Variants in OTUD7A observed in about 807,000 individuals in gnomAD.
OTUD7A encodes OTU deubiquitinase 7A.
OTUD7A carries 12 observed loss-of-function variants against 65.7 expected under a neutral mutation model. The observed-to-expected ratio is 0.18, with a 90% CI of 0.12 to 0.30. The LOEUF (loss-of-function observed/expected upper bound fraction) is 0.30. OTUD7A is among the 10% of genes least tolerant of loss of function. The pLI, the probability that OTUD7A is intolerant of heterozygous loss-of-function variation, is 1.00. For missense variants in OTUD7A, 1,148 were observed against 1,304.8 expected (o/e 0.88, Z 1.85); for synonymous variants, 641 against 586.3 (o/e 1.09, Z -1.35).
chr15:31,527,444 C>G (rs1030280993), intron 6 of OTUD7A, 136 bp from the exon 7 acceptor site: 20 of 1,162,864 alleles, frequency 1.7e-5, no homozygotes, highest in Non-Finnish European at 2.3e-5. Flanking sequence ...CTCAGCGGTT[C>G]TGTTAATTCC....
At chr15:31,539,789 G>A (rs62004121) in intron 5 of OTUD7A, among the ~76,000 whole-genome samples, 15,325 of 152,210 alleles carry the variant, frequency 0.1, 986 homozygotes, top group Non-Finnish European at 0.15. Flanking sequence ...CATAAAGAGA[G>A]ATAAAGCAAA....
intron 3 of OTUD7A, among the ~76,000 whole-genome samples, chr15:31,635,282 C>T (rs563829838): frequency 3.0e-4 from 45 of 152,312 alleles, no homozygotes; most frequent in South Asian, 8.3e-4. Flanking sequence ...ACGGCACTAC[C>T]TTGGTGCTCC....
At chr15:31,848,235 C>T (rs890407166) in intron 1 of OTUD7A, among the ~76,000 whole-genome samples, 6 of 152,122 alleles carry the variant, frequency 3.9e-5, no homozygotes. Flanking sequence ...AAAGGTGTCA[C>T]ACGAGAGGCA....
At chr15:31,850,550 A>G (rs1897397123) in intron 1 of OTUD7A, among the ~76,000 whole-genome samples, 1 of 136,764 alleles carries the variant, frequency 7.3e-6, no homozygotes, top group South Asian at 3.0e-4. Flanking sequence ...CCTCAAACTT[A>G]AAGTATAATA....
chr15:31,733,337 T>G (rs2141363806), intron 1 of OTUD7A, among the ~76,000 whole-genome samples: 1 of 152,326 alleles, frequency 6.6e-6, no homozygotes, highest in Non-Finnish European at 1.5e-5. Context: ...CCCCCTCCTT[T>G]ACCAGACTCA....
rs1214411102 is a variant in OTUD7A at position 31,475,939 on chromosome 15, C to T, written c.*7355G>A. The T allele has an allele frequency of 6.6e-6, 1 of 152,222 alleles. No homozygotes were observed. The highest frequency in any genetic ancestry group is 2.4e-5 in the African/African-American group (1 of 41,444). 9.4% of individuals were successfully genotyped at this position (152,222 alleles called of 1,614,324 possible). A position where few individuals can be genotyped will look rare whatever the true frequency, so the allele number is the denominator to read the frequency against. On this transcript the variant is annotated 3_prime_UTR_variant, in exon 13 of 13. Transcript: ENST00000307050. The stretch of plus-strand genomic sequence containing the variant: ...CACTGACTTCATTAGGCCAAACGCA[C>T]GTTTAATGGAACAAAGCAAACACAG...
intron 3 of OTUD7A, among the ~76,000 whole-genome samples, chr15:31,630,797 A>T (rs1891122421): frequency 6.6e-6 from 1 of 152,358 alleles, no homozygotes; most frequent in South Asian, 2.1e-4. Context: ...TATATTTAGG[A>T]TAGTTAGCTC....
chr15:31,518,768 G>C (rs1378656170), intron 8 of OTUD7A, among the ~76,000 whole-genome samples: 1 of 152,258 alleles, frequency 6.6e-6, no homozygotes, highest in Non-Finnish European at 1.5e-5. Context: ...GCACAGCAGA[G>C]CCAGTCTGAG....
intron 3 of OTUD7A, among the ~76,000 whole-genome samples, chr15:31,627,214 A>G (rs1890987058): frequency 6.7e-6 from 1 of 149,684 alleles, no homozygotes; most frequent in Admixed American, 6.6e-5. Context: ...AGCATTAGGT[A>G]TATCTCCTAA....
intron 1 of OTUD7A, among the ~76,000 whole-genome samples, chr15:31,817,280 C>CG (rs1049868937): frequency 4.7e-5 from 7 of 149,250 alleles, no homozygotes; most frequent in African/African-American, 7.4e-5. Context: ...CATTTGCCCC[C>CG]CCCCATCACT....
chr15:31,476,511 A>G lies in OTUD7A; in HGVS notation c.*6783T>C, dbSNP rs944331274. 6.6e-6 allele frequency: 1 copy of G among 152,278 alleles called. No homozygotes were observed. The highest frequency in any genetic ancestry group is 2.4e-5 in the African/African-American group (1 of 41,432). 9.4% of individuals were successfully genotyped at this position (152,278 alleles called of 1,614,324 possible). Reference sequence around the variant, plus strand: ...CCAAGGGGGCAGGCTCTTGGGAAGCACACACTCCCTCCCTGAGTGCTGGCA... The same window carrying G: ...CCAAGGGGGCAGGCTCTTGGGAAGCGCACACTCCCTCCCTGAGTGCTGGCA... On this transcript the variant is annotated 3_prime_UTR_variant, in exon 13 of 13. Coordinates refer to ENST00000307050, the MANE Select transcript of OTUD7A (RefSeq NM_001382637.1).
chr15:31,835,234 G>A (rs1348704268), intron 1 of OTUD7A, among the ~76,000 whole-genome samples: 2 of 152,338 alleles, frequency 1.3e-5, no homozygotes, highest in South Asian at 2.1e-4. Flanking sequence ...AAAACAGGAT[G>A]TCCAATTCAT....
rs1043764480 is a variant in OTUD7A at position 31,828,792 on chromosome 15, T to C, written c.-100+41715A>G. Reference sequence around the variant, plus strand: ...GCTAATACAAAGCATTTATTGTCCCTGTCCTCTGGGCAGGGATGTGTCACA... The same window carrying C: ...GCTAATACAAAGCATTTATTGTCCCCGTCCTCTGGGCAGGGATGTGTCACA... On this transcript the variant is annotated intron_variant, in intron 1 of 12. Transcript: ENST00000307050. Among the ~76,000 whole-genome samples the C allele has an allele frequency of 3.3e-5, 5 of 152,200 alleles. No homozygotes were observed. In the East Asian group the frequency reaches 7.7e-4, roughly 23 times the overall value.
intron 3 of OTUD7A, among the ~76,000 whole-genome samples, chr15:31,579,982 C>T (rs7179569): frequency 0.33 from 49,900 of 152,098 alleles, 10,726 homozygotes; most frequent in African/African-American, 0.61. Flanking sequence ...TGTAGAAGTA[C>T]AGATTCCACC....
chr15:31,585,916 C>T (rs1889520949), intron 3 of OTUD7A, among the ~76,000 whole-genome samples: 2 of 152,110 alleles, frequency 1.3e-5, no homozygotes, highest in Admixed American at 6.5e-5. Flanking sequence ...ACAAAGAAGA[C>T]TTTTTCTAGA....
At chr15:31,501,991 G>A (rs958106221) in intron 9 of OTUD7A, 152 bp from the exon 10 acceptor site, 5 of 867,738 alleles carry the variant, frequency 5.8e-6, no homozygotes, top group Non-Finnish European at 6.9e-6. Context: ...TGAGGGATGG[G>A]GCTGAGGGTT....
chr15:31,860,641 A>ATG (rs1897698736), intron 1 of OTUD7A, among the ~76,000 whole-genome samples: 2 of 77,748 alleles, frequency 2.6e-5, no homozygotes, highest in East Asian at 9.0e-4. Context: ...ATATATATAT[A>ATG]TATGTATGTA....
chr15:31,528,596 ACT>A (rs531158891), intron 6 of OTUD7A, among the ~76,000 whole-genome samples: 100 of 152,370 alleles, frequency 6.6e-4, no homozygotes, highest in Middle Eastern at 3.4e-3. Context: ...GGGAATGACC[ACT>A]GTCACTCCTC....
chr15:31,625,618 T>C (rs936549031), intron 3 of OTUD7A, among the ~76,000 whole-genome samples: 1 of 152,190 alleles, frequency 6.6e-6, no homozygotes, highest in African/African-American at 2.4e-5. Flanking sequence ...GCCTATGACC[T>C]AGCTACATCT....
Sources: allele counts gnomAD v4.1 joint callset (sites outside exome capture counted in the v4.1 genomes callset), GRCh38; gene constraint gnomAD v4.1.1; transcripts MANE v1.5; gene names NCBI Gene and HGNC (gene_info 2026-07-23, HGNC 2026-07-21).